PTPRD: variants seen among roughly 807,000 people sequenced by gnomAD.
PTPRD encodes receptor-type tyrosine-protein phosphatase delta.
PTPRD carries 34 observed loss-of-function variants against 214.5 expected under a neutral mutation model. That is an observed-to-expected ratio of 0.16 (90% CI 0.12 to 0.21). PTPRD has a LOEUF of 0.21. PTPRD is among the 10% of genes least tolerant of loss of function. The pLI is 1.00. For missense variants in PTPRD, 2,545 were observed against 2,398.7 expected (o/e 1.06, Z -1.27); for synonymous variants, 1,128 against 845.7 (o/e 1.33, Z -5.79).
At chr9:8,565,149 C>A (rs534331739) in intron 14 of PTPRD, among the ~76,000 whole-genome samples, 1 of 151,798 alleles carries the variant, frequency 6.6e-6, no homozygotes, top group South Asian at 2.1e-4. Context: ...AAGCTAACCG[C>A]AGTGGTTTTG....
At chr9:9,379,387 T>C (rs10435825) in intron 9 of PTPRD, among the ~76,000 whole-genome samples, 1 of 151,570 alleles carries the variant, frequency 6.6e-6, no homozygotes, top group African/African-American at 2.4e-5. Flanking sequence ...TTCCATAAAA[T>C]TGATCTACTT....
chr9:10,421,738 T>C (rs2098547910), intron 2 of PTPRD, among the ~76,000 whole-genome samples: 1 of 151,962 alleles, frequency 6.6e-6, no homozygotes, highest in African/African-American at 2.4e-5. Flanking sequence ...AGAAACTTGC[T>C]TGTTATTTTC....
At chr9:9,917,423 C>T (rs1007631440) in intron 5 of PTPRD, among the ~76,000 whole-genome samples, 4 of 136,098 alleles carry the variant, frequency 2.9e-5, no homozygotes, top group African/African-American at 1.1e-4. Flanking sequence ...AACTACACTC[C>T]AATACATTTT....
chr9:8,873,841 G>C (rs1228031054), intron 11 of PTPRD, among the ~76,000 whole-genome samples: 1 of 152,088 alleles, frequency 6.6e-6, no homozygotes, highest in Non-Finnish European at 1.5e-5. Flanking sequence ...TAGTCTCCTG[G>C]AGGCCATTGA....
intron 9 of PTPRD, among the ~76,000 whole-genome samples, chr9:9,329,918 C>T (rs562250501): frequency 2.0e-5 from 3 of 152,146 alleles, no homozygotes; most frequent in Non-Finnish European, 4.4e-5. Flanking sequence ...AGGGCCCTAC[C>T]TTCTCAGTCA....
At chr9:9,329,407 T>C (rs1019479150) in intron 9 of PTPRD, among the ~76,000 whole-genome samples, 1 of 152,142 alleles carries the variant, frequency 6.6e-6, no homozygotes, top group African/African-American at 2.4e-5. Context: ...GAACACAGAT[T>C]CCATGCCCTT....
At chr9:9,011,221 C>T (rs2099510547) in intron 11 of PTPRD, among the ~76,000 whole-genome samples, 1 of 152,048 alleles carries the variant, frequency 6.6e-6, no homozygotes. Flanking sequence ...AGCTTCTCCT[C>T]ATTTACATGG....
rs1040430730 is a variant in PTPRD at position 10,353,352 on chromosome 9, T to G, written c.-599-12335A>C. 1.8e-4 allele frequency among the ~76,000 whole-genome samples: 27 copies of G among 152,108 alleles called. No homozygotes were observed. In the South Asian group the frequency reaches 5.4e-3, roughly 30 times the overall value. ...TAAGGACAAAATCTAATGCTTTTCC[T>G]TTTCCTGGCATTTGACTATTTCAGA... is the stretch of plus-strand genomic sequence containing the variant. On this transcript the variant is annotated intron_variant, in intron 2 of 45. Coordinates refer to ENST00000381196, the MANE Select transcript of PTPRD (RefSeq NM_002839.4).
At chr9:9,414,282 C>A (rs1178097152) in intron 8 of PTPRD, among the ~76,000 whole-genome samples, 2 of 152,186 alleles carry the variant, frequency 1.3e-5, no homozygotes. Context: ...TTAAATTAAC[C>A]TCTCACTGTG....
At chr9:10,194,909 C>G (rs1468836514) in intron 3 of PTPRD, among the ~76,000 whole-genome samples, 1 of 149,884 alleles carries the variant, frequency 6.7e-6, no homozygotes, top group Non-Finnish European at 1.5e-5. Flanking sequence ...CAGTGACTGA[C>G]AGAAGAAAAA....
intron 4 of PTPRD, among the ~76,000 whole-genome samples, chr9:9,955,521 G>GTTTTTTTTT (rs1194987444): frequency 1.8e-4 from 26 of 145,534 alleles, no homozygotes; most frequent in African/African-American, 6.8e-4. Flanking sequence ...GTTTTGTTTT[G>GTTTTTTTTT]TTTTGTTTTT....
chr9:9,868,683 GA>G (rs2064643712), intron 5 of PTPRD, among the ~76,000 whole-genome samples: 1 of 150,528 alleles, frequency 6.6e-6, no homozygotes. Context: ...GTATTATGAG[GA>G]AAGATACACA....
At chr9:10,606,227 G>A (rs534694256) in intron 2 of PTPRD, among the ~76,000 whole-genome samples, 10 of 151,764 alleles carry the variant, frequency 6.6e-5, no homozygotes, top group Non-Finnish European at 1.0e-4. Context: ...CTAACCCCAA[G>A]GTGAAAGATT....
intron 7 of PTPRD, among the ~76,000 whole-genome samples, chr9:9,718,574 C>T (rs901112222): frequency 2.0e-5 from 3 of 152,340 alleles, no homozygotes; most frequent in Admixed American, 2.0e-4. Flanking sequence ...ACCCAGGAAG[C>T]CCCCTTCCCC....
intron 3 of PTPRD, among the ~76,000 whole-genome samples, chr9:10,192,510 T>C (rs1410956684): frequency 1.4e-5 from 2 of 142,060 alleles, no homozygotes; most frequent in African/African-American, 5.1e-5. Flanking sequence ...CTTTAAAAAA[T>C]CTTATAGACA....
In PTPRD at chr9:9,813,027, G is replaced by T. The variant is rs79923241; in HGVS notation, c.-367-46176C>A. 3.3e-3 allele frequency among the ~76,000 whole-genome samples: 498 copies of T among 152,158 alleles called. 2 individuals are homozygous for T. Among genetic ancestry groups the T allele is most frequent in the Non-Finnish European group, 5.6e-3 (382 of 67,932 alleles). On this transcript the variant is annotated intron_variant, in intron 5 of 45. Transcript: ENST00000381196. ...AGAAAATAGGAAAATTCACAAATAT[G>T]TGGAAAGTAAACAACACACTCTTAA...
At chr9:10,109,575 C>T (rs1454627094) in intron 3 of PTPRD, among the ~76,000 whole-genome samples, 1 of 152,146 alleles carries the variant, frequency 6.6e-6, no homozygotes, top group African/African-American at 2.4e-5. Flanking sequence ...TCAGGCAACT[C>T]TATTTCAGAT....
chr9:8,788,989 A>G (rs1049766022), intron 11 of PTPRD, among the ~76,000 whole-genome samples: 1 of 152,208 alleles, frequency 6.6e-6, no homozygotes, highest in East Asian at 1.9e-4. Flanking sequence ...ATATATATGC[A>G]TCACAGTTCA....
chr9:10,577,410 G>C (rs764573098), intron 2 of PTPRD, among the ~76,000 whole-genome samples: 28 of 152,148 alleles, frequency 1.8e-4, no homozygotes, highest in Non-Finnish European at 3.2e-4. Context: ...GCAAATTTCT[G>C]AGACTGTGAT....
Sources: allele counts gnomAD v4.1 joint callset (sites outside exome capture counted in the v4.1 genomes callset), GRCh38; gene constraint gnomAD v4.1.1; transcripts MANE v1.5; gene names NCBI Gene and HGNC (gene_info 2026-07-23, HGNC 2026-07-21).